DMGDH: variants seen among roughly 807,000 people sequenced by gnomAD.
DMGDH encodes dimethylglycine dehydrogenase, mitochondrial.
Under a neutral mutation model 95.2 loss-of-function variants are expected in DMGDH, and 76 were observed. That is an observed-to-expected ratio of 0.80 (90% CI 0.66 to 0.97). The LOEUF (loss-of-function observed/expected upper bound fraction) is 0.97. Ranked by LOEUF, DMGDH falls within the 50% of genes least tolerant of loss-of-function variation. The probability of loss-of-function intolerance (pLI) is 0.00; values close to 1 mark genes in which losing one functional copy is unlikely to be tolerated. For missense variants in DMGDH, 987 were observed against 1,055.0 expected (o/e 0.94, Z 0.89); for synonymous variants, 345 against 377.6 (o/e 0.91, Z 1.00).
At chr5:79,026,281 C>T (rs1263194342) in intron 13 of DMGDH, 143 bp downstream of exon 13, 2 of 1,032,906 alleles carry the variant, frequency 1.9e-6, no homozygotes, top group East Asian at 5.3e-5. Flanking sequence ...AGAAAAACCT[C>T]TTCCCCTAAT....
intron 15 of DMGDH, chr5:79,000,566 G>C (rs1580179181): frequency 6.7e-6 from 4 of 599,008 alleles, no homozygotes; most frequent in African/African-American, 3.7e-5. Flanking sequence ...TCAAAATCCA[G>C]TGCTGTCACC....
Position 79,030,040 on chromosome 5 carries a change from T to TA in DMGDH, c.1684-7dup. 1.9e-6 allele frequency: 3 copies of TA among 1,609,258 alleles called. No homozygotes were observed. Among genetic ancestry groups the TA allele is most frequent in the Non-Finnish European group, 2.5e-6 (3 of 1,178,122 alleles). ...CTTATATTTGTAAAACCCACCTACA[T>TA]AAAAAAATTAAAAATTACCTTAGGA... On this transcript the variant is annotated splice_region_variant and splice_polypyrimidine_tract_variant and intron_variant, in intron 10 of 15. Transcript: ENST00000255189.
At chr5:79,045,900 A>G (rs546971527) in intron 5 of DMGDH, among the ~76,000 whole-genome samples, 1 of 152,152 alleles carries the variant, frequency 6.6e-6, no homozygotes. Context: ...TTGTGTGTGT[A>G]AGTTTATTTC....
intron 15 of DMGDH, among the ~76,000 whole-genome samples, chr5:79,001,306 G>A (rs1753449354): frequency 6.6e-6 from 1 of 152,182 alleles, no homozygotes; most frequent in African/African-American, 2.4e-5. Flanking sequence ...GGGACTACAG[G>A]TGTACACCAC....
Position 79,000,393 on chromosome 5 carries a change from A to T in DMGDH, c.2386-2096T>A, listed in dbSNP as rs1753433599. 4.7e-6 allele frequency: 3 copies of T among 638,150 alleles called. No homozygotes were observed. In the African/African-American group the frequency reaches 5.5e-5, roughly 12 times the overall value. The allele number at this position is 638,150 out of a possible 1,614,324, so 39.5% of individuals were successfully genotyped here. The stretch of plus-strand genomic sequence containing the variant: ...TGTAGGCATAGATGCTGTGGGTGGT[A>T]CTAGCTATTTTCTTATTCTCATACA... On this transcript the variant is annotated intron_variant, in intron 15 of 15. Coordinates refer to ENST00000255189, the MANE Select transcript of DMGDH (RefSeq NM_013391.3).
At chr5:79,033,517 A>G (rs1754252711) in intron 7 of DMGDH, 109 bp from the exon 8 acceptor site, 1 of 1,271,318 alleles carries the variant, frequency 7.9e-7, no homozygotes, top group Non-Finnish European at 1.1e-6. Context: ...TGTGCTAATC[A>G]GAACACACAA....
At position 79,063,623 on chromosome 5, in the gene DMGDH, G is replaced by A. The variant is rs1755276892; in HGVS notation, c.266C>T (p.Thr89Ile). The A allele has an allele frequency of 6.2e-7, 1 of 1,614,176 alleles. No individual in the cohort carries two copies. The highest frequency in any genetic ancestry group is 1.3e-5 in the African/African-American group (1 of 75,048). ...LEKSELTAGS[T>I]WHAAGLTTYF... ...GGGTGCTTTTCTTACTGCGTGCCAG[G>A]TAGATCCAGCCGTGAGCTCTGATTT... is the stretch of plus-strand genomic sequence containing the variant. The change falls in exon 2 of 16, where the codon ACC becomes ATC. Residue 89 changes from threonine (T) to isoleucine (I), a missense_variant. Coordinates refer to ENST00000255189, the MANE Select transcript of DMGDH (RefSeq NM_013391.3).
At chr5:79,061,322 A>G (rs1755207030) in intron 2 of DMGDH, among the ~76,000 whole-genome samples, 1 of 151,664 alleles carries the variant, frequency 6.6e-6, no homozygotes, top group African/African-American at 2.4e-5. Context: ...GGCATCTTTG[A>G]CTTGCAAAAA....
chr5:79,009,719 T>C (rs1048571870), intron 14 of DMGDH, among the ~76,000 whole-genome samples: 8 of 152,168 alleles, frequency 5.3e-5, no homozygotes, highest in African/African-American at 1.9e-4. Flanking sequence ...CACCTGCCCA[T>C]TGGCACAATC....
intron 8 of DMGDH, 127 bp from the exon 9 acceptor site, chr5:79,032,967 A>G (rs1754233200): frequency 2.6e-6 from 3 of 1,165,686 alleles, no homozygotes; most frequent in South Asian, 1.3e-5. Flanking sequence ...ATACATATAT[A>G]TGAATGATTC....
chr5:79,007,273 G>A (rs1281230838), intron 14 of DMGDH, among the ~76,000 whole-genome samples: 1 of 152,166 alleles, frequency 6.6e-6, no homozygotes, highest in Non-Finnish European at 1.5e-5. Context: ...AAGCTGTGGA[G>A]GTCCACTTAC....
At chr5:79,021,562 C>T in intron 14 of DMGDH, 1 of 1,292,286 alleles carries the variant, frequency 7.7e-7, no homozygotes, top group Admixed American at 2.3e-5. Context: ...CTCCATTGTT[C>T]TTTTCCCTAC....
intron 2 of DMGDH, among the ~76,000 whole-genome samples, chr5:79,063,355 T>C (rs1272163000): frequency 6.6e-6 from 1 of 152,210 alleles, no homozygotes; most frequent in African/African-American, 2.4e-5. Flanking sequence ...GAAACTTATG[T>C]AACTTGCCAA....
Position 79,042,328 on chromosome 5 carries a change from C to T in DMGDH, c.1148G>A (p.Gly383Glu), listed in dbSNP as rs1490376179. 4.3e-6 allele frequency: 7 copies of T among 1,614,070 alleles called. No homozygotes were observed. Among genetic ancestry groups the T allele is most frequent in the East Asian group, 2.2e-5 (1 of 44,898 alleles). Residue 383 changes from glycine to glutamate, a missense_variant, in exon 7 of 16, where the codon GGG becomes GAG. Transcript: ENST00000255189. ...GTAGTTTCTGACCCCCTGATGGGGC[C>T]CCACCATAGGCAGAATGTCAGGAGA... ...TYSPDILPMVGPHQGVRNYWV... is the reference protein window; with the variant it reads ...TYSPDILPMVEPHQGVRNYWV...
chr5:79,053,656 G>GA (rs1167320974), intron 4 of DMGDH, among the ~76,000 whole-genome samples: 1 of 152,050 alleles, frequency 6.6e-6, no homozygotes, highest in African/African-American at 2.4e-5. Flanking sequence ...TACCCACTAG[G>GA]AAAAAACACT....
intron 7 of DMGDH, among the ~76,000 whole-genome samples, chr5:79,040,131 T>C (rs924537364): frequency 6.6e-6 from 1 of 152,226 alleles, no homozygotes; most frequent in Non-Finnish European, 1.5e-5. Context: ...CTCCCGAGAC[T>C]TGAGACTGTT....
At chr5:79,038,435 G>T (rs1207300103) in intron 7 of DMGDH, among the ~76,000 whole-genome samples, 1 of 152,164 alleles carries the variant, frequency 6.6e-6, no homozygotes, top group Non-Finnish European at 1.5e-5. Flanking sequence ...AGTCAGACAA[G>T]ATCGTGCCAT....
At chr5:79,066,536 C>G (rs565244054) in intron 1 of DMGDH, among the ~76,000 whole-genome samples, 1 of 151,612 alleles carries the variant, frequency 6.6e-6, no homozygotes, top group African/African-American at 2.4e-5. Context: ...CCTCGTGATC[C>G]GCCTGCCTCA....
chr5:79,039,519 G>C (rs1326851477), intron 7 of DMGDH, among the ~76,000 whole-genome samples: 3 of 152,010 alleles, frequency 2.0e-5, no homozygotes, highest in Non-Finnish European at 2.9e-5. Context: ...AGAACACATG[G>C]ACACAGGAAG....
Sources: gnomAD v4.1 joint callset for allele counts (sites outside exome capture counted in the v4.1 genomes callset) on GRCh38, gnomAD v4.1.1 for gene constraint, MANE v1.5 for transcripts, NCBI Gene and HGNC (gene_info 2026-07-23, HGNC 2026-07-21) for gene names.